SORT1: variants seen among roughly 807,000 people sequenced by gnomAD.
SORT1 encodes sortilin.
Under a neutral mutation model 101.7 loss-of-function variants are expected in SORT1, and 39 were observed. The observed-to-expected ratio is 0.38, with a 90% confidence interval of 0.30 to 0.50. The LOEUF (loss-of-function observed/expected upper bound fraction) is 0.50, where lower values mean the gene tolerates loss of function less well. Ranked by LOEUF, SORT1 falls within the 20% of genes least tolerant of loss-of-function variation. SORT1 has a pLI of 0.90. For synonymous variants in SORT1, 396 were observed against 393.7 expected (o/e 1.01, Z -0.07); for missense variants, 878 against 1,040.4 (o/e 0.84, Z 2.15).
intron 1 of SORT1, among the ~76,000 whole-genome samples, chr1:109,374,823 G>A (rs1357530333): frequency 6.6e-6 from 1 of 152,258 alleles, no homozygotes; most frequent in Admixed American, 6.5e-5. Flanking sequence ...GCCAGGCGTG[G>A]TGACATACAC....
chr1:109,361,391 T>C (rs1025732014), intron 3 of SORT1, among the ~76,000 whole-genome samples: 3 of 152,344 alleles, frequency 2.0e-5, no homozygotes, highest in Middle Eastern at 3.4e-3. Context: ...CCCATCATAA[T>C]GGCCTTTGTG....
chr1:109,313,925 G>T lies in SORT1; in HGVS notation c.*118C>A. 1 of 915,900 alleles carries T rather than the reference G, an allele frequency of 1.1e-6. No individual in the cohort carries two copies. Among genetic ancestry groups the T allele is most frequent in the Admixed American group, 2.3e-5 (1 of 43,696 alleles). 56.7% of individuals were successfully genotyped at this position (915,900 alleles called of 1,614,324 possible). On this transcript the variant is annotated 3_prime_UTR_variant, in exon 20 of 20. Coordinates refer to ENST00000256637, the MANE Select transcript of SORT1 (RefSeq NM_002959.7). Reference sequence around the variant, plus strand: ...GGTCCTTTTGGCTTTGATGGAAGCAGCAGAAACAGAGCTGGGTCCCTCGCA... The same window carrying T: ...GGTCCTTTTGGCTTTGATGGAAGCATCAGAAACAGAGCTGGGTCCCTCGCA...
In SORT1 at chr1:109,379,251, T is replaced by C. The variant is rs114773749; in HGVS notation, c.307-9662A>G. Among the ~76,000 whole-genome samples the C allele has an allele frequency of 4.3e-3, 650 of 151,492 alleles. 6 individuals carry two copies. The highest frequency in any genetic ancestry group is 0.015 in the African/African-American group (619 of 41,276). The stretch of plus-strand genomic sequence containing the variant: ...TCCCTGGGGCACACTGGCAGAAAAA[T>C]TGTCTTGGGCCACACATAAAATACA... On this transcript the variant is annotated intron_variant, in intron 1 of 19. Transcript: ENST00000256637.
At chr1:109,389,486 T>C (rs1431110623) in intron 1 of SORT1, among the ~76,000 whole-genome samples, 1 of 152,170 alleles carries the variant, frequency 6.6e-6, no homozygotes, top group Non-Finnish European at 1.5e-5. Flanking sequence ...TGTGTTCTAC[T>C]CCCAGCTCTT....
intron 3 of SORT1, among the ~76,000 whole-genome samples, chr1:109,365,722 C>G (rs1243052076): frequency 1.3e-5 from 2 of 152,134 alleles, no homozygotes; most frequent in Non-Finnish European, 1.5e-5. Flanking sequence ...TCCTGGGGAC[C>G]CCAGTTAGTC....
rs1308565587 is a variant in SORT1 at position 109,312,085 on chromosome 1, G to A, written c.*1958C>T. 6.6e-6 allele frequency: 1 copy of A among 152,186 alleles called. No homozygotes were observed. Among genetic ancestry groups the A allele is most frequent in the East Asian group, 1.9e-4 (1 of 5,200 alleles). The allele number at this position is 152,186 out of a possible 1,614,324, so 9.4% of individuals were successfully genotyped here. A position where few individuals can be genotyped will look rare whatever the true frequency, so the allele number is the denominator to read the frequency against. ...TTCCTACGTCTTAAAATGAGTAAGA[G>A]GATTACCATGTATTGGTGCATCTGC... On this transcript the variant is annotated 3_prime_UTR_variant, in exon 20 of 20. Transcript: ENST00000256637.
Position 109,314,295 on chromosome 1 carries a change from G to A in SORT1, c.2447C>T (p.Thr816Ile). The change falls in exon 19 of 20, where the codon ACT becomes ATT. Residue 816 changes from threonine (T) to isoleucine (I), a missense_variant. Physicochemically the swap from Thr to Ile is moderately conservative, Grantham distance 89 (BLOSUM62 -1). This residue lies in a region of SORT1 where 684 missense variants were observed against 894.5 expected (regional missense o/e 0.76). Coordinates refer to ENST00000256637, the MANE Select transcript of SORT1 (RefSeq NM_002959.7). ...GTCATCATGATAACCACTTTTATTA[G>A]TGTGGGAGGCTGTGTCCAAAGCATC... ...GVDALDTASH[T>I]NKSGYHDDSD... The A allele has an allele frequency of 6.2e-7, 1 of 1,613,038 alleles. No homozygotes were observed. The highest frequency in any genetic ancestry group is 8.5e-7 in the Non-Finnish European group (1 of 1,179,708).
intron 8 of SORT1, among the ~76,000 whole-genome samples, chr1:109,345,263 C>T (rs566885532): frequency 6.6e-6 from 1 of 152,216 alleles, no homozygotes; most frequent in South Asian, 2.1e-4. Context: ...GCCTATAATC[C>T]CAGCACTTTG....
chr1:109,378,733 T>G (rs1570978208), intron 1 of SORT1, among the ~76,000 whole-genome samples: 3 of 101,756 alleles, frequency 2.9e-5, no homozygotes, highest in African/African-American at 8.6e-5. Flanking sequence ...TATATATATA[T>G]ATATATATAT....
At chr1:109,381,253 A>G (rs1278590427) in intron 1 of SORT1, among the ~76,000 whole-genome samples, 1 of 151,382 alleles carries the variant, frequency 6.6e-6, no homozygotes, top group Non-Finnish European at 1.5e-5. Context: ...CATTCCCCAC[A>G]TGTCATCTTC....
chr1:109,384,488 C>A (rs1652451006), intron 1 of SORT1, among the ~76,000 whole-genome samples: 1 of 152,176 alleles, frequency 6.6e-6, no homozygotes, highest in Non-Finnish European at 1.5e-5. Context: ...AGCAAACAGG[C>A]AGACAATGGC....
intron 1 of SORT1, among the ~76,000 whole-genome samples, chr1:109,385,507 G>T (rs960229849): frequency 6.6e-6 from 1 of 152,128 alleles, no homozygotes; most frequent in African/African-American, 2.4e-5. Flanking sequence ...GCATTTAATT[G>T]TTATATCTTA....
At chr1:109,336,146 A>C in intron 11 of SORT1, 94 bp downstream of exon 11, 2 of 755,958 alleles carry the variant, frequency 2.6e-6, no homozygotes, top group Non-Finnish European at 4.6e-6. Context: ...TGAGGACCCT[A>C]ATCAAGTATG....
At position 109,340,764 on chromosome 1, in the gene SORT1, G is replaced by A. The variant is rs748431553; in HGVS notation, c.1224C>T (p.Thr408=). The change falls in exon 10 of 20, where the codon ACC becomes ACT. Residue 408 remains threonine, a synonymous_variant. Transcript: ENST00000256637. ...TTGTTATGTAGACGCCGCGGAGGGA[G>A]GTCACGTTGGTAAAGTCCGTCTCTC... is the stretch of plus-strand genomic sequence containing the variant. The part of the protein sequence containing the change: ...TGGETDFTNV[T]SLRGVYITSV... 4 of 1,614,010 alleles carry A rather than the reference G, an allele frequency of 2.5e-6. No homozygotes were observed. The highest frequency in any genetic ancestry group is 3.3e-5 in the Admixed American group (2 of 59,990).
chr1:109,333,672 G>A (rs966963766), intron 11 of SORT1, among the ~76,000 whole-genome samples: 3 of 151,936 alleles, frequency 2.0e-5, no homozygotes, highest in Non-Finnish European at 4.4e-5. Flanking sequence ...TAATCATGAG[G>A]GAAATACAAA....
chr1:109,376,244 T>C (rs1020966700), intron 1 of SORT1, among the ~76,000 whole-genome samples: 3 of 144,724 alleles, frequency 2.1e-5, no homozygotes, highest in East Asian at 2.0e-4. Flanking sequence ...GGCAGGAGAA[T>C]GGCGTGAACC....
intron 5 of SORT1, among the ~76,000 whole-genome samples, chr1:109,352,540 G>A (rs150374925): frequency 7.2e-5 from 11 of 152,316 alleles, no homozygotes; most frequent in Non-Finnish European, 1.0e-4. Flanking sequence ...AGATGTCCTA[G>A]TCTAGCTGAA....
intron 1 of SORT1, chr1:109,393,068 C>T: frequency 1.0e-6 from 1 of 985,404 alleles, no homozygotes; most frequent in Non-Finnish European, 1.2e-6. Context: ...CGATTCACAA[C>T]AACAGGCCGA....
chr1:109,386,204 C>A (rs904698518), intron 1 of SORT1, among the ~76,000 whole-genome samples: 5 of 152,182 alleles, frequency 3.3e-5, no homozygotes, highest in African/African-American at 4.8e-5. Flanking sequence ...CTCCAGACTA[C>A]ACATTTCATG....
Sources: gnomAD v4.1 joint callset for allele counts (sites outside exome capture counted in the v4.1 genomes callset) on GRCh38, gnomAD v4.1.1 for gene constraint, gnomAD v4.1.1 regional missense constraint, MANE v1.5 for transcripts, NCBI Gene and HGNC (gene_info 2026-07-23, HGNC 2026-07-21) for gene names.